The following THOP1 variants were observed in gnomAD, a reference collection of about 807,000 sequenced individuals.
THOP1 encodes the protein thimet oligopeptidase 1.
THOP1 carries 49 observed loss-of-function variants against 71.8 expected under a neutral mutation model. That is an observed-to-expected ratio of 0.68 (90% CI 0.54 to 0.87). The LOEUF (loss-of-function observed/expected upper bound fraction) is 0.87. Among genes scored for constraint, THOP1 ranks in the 40% least tolerant of loss-of-function variants. THOP1 has a pLI of 0.00. For synonymous variants in THOP1, 426 were observed against 421.5 expected (o/e 1.01, Z -0.13); for missense variants, 843 against 975.6 (o/e 0.86, Z 1.81).
intron 3 of THOP1, among the ~76,000 whole-genome samples, chr19:2,795,140 A>G (rs964716421): frequency 3.3e-5 from 5 of 152,172 alleles, no homozygotes; most frequent in African/African-American, 1.2e-4. Flanking sequence ...TTGTATTTTT[A>G]GTAGGCACAG....
At chr19:2,793,107 G>A (rs190658864) in intron 2 of THOP1, among the ~76,000 whole-genome samples, 7 of 150,984 alleles carry the variant, frequency 4.6e-5, no homozygotes, top group Non-Finnish European at 7.4e-5. Flanking sequence ...CCCGGGAGGC[G>A]GAGGTGGCGG....
At chr19:2,812,404 T>G in intron 12 of THOP1, 1 of 1,486,510 alleles carries the variant, frequency 6.7e-7, no homozygotes, top group Non-Finnish European at 8.9e-7. Context: ...GGCACTCAGC[T>G]GCTCCCTTTA....
chr19:2,804,904 G>GC lies in THOP1; in HGVS notation c.590-107dup. 9.1e-7 allele frequency: 1 copy of GC among 1,101,206 alleles called. No individual in the cohort carries two copies. 68.2% of individuals were successfully genotyped at this position (1,101,206 alleles called of 1,614,324 possible). ...GCCAGGCTGCAGCTGCTCGCTGAGG[G>GC]CCCCCTTGTAGCTTTCCAGGCAGAG... On this transcript the variant is annotated intron_variant, in intron 5 of 12. Transcript: ENST00000307741. This position sits in a 1 kb window ranked among gnomAD's most constrained non-coding sequence, Gnocchi z 4.7.
chr19:2,796,382 C>T (rs1157140745), intron 4 of THOP1, among the ~76,000 whole-genome samples, 194 bp downstream of exon 4: 1 of 141,958 alleles, frequency 7.0e-6, no homozygotes, highest in Non-Finnish European at 1.5e-5. Flanking sequence ...AGTGCTGCGT[C>T]CCGGGGAGTG....
intron 7 of THOP1, 112 bp from the exon 8 acceptor site, chr19:2,807,330 G>T: frequency 7.0e-7 from 1 of 1,433,446 alleles, no homozygotes; most frequent in South Asian, 1.5e-5. Flanking sequence ...GGGAACTGCG[G>T]GTCCTCCCTT....
intron 2 of THOP1, 86 bp downstream of exon 2, chr19:2,790,719 G>T (rs1037746671): frequency 1.6e-6 from 2 of 1,285,104 alleles, no homozygotes; most frequent in East Asian, 5.3e-5. Flanking sequence ...CCGTGGAGCC[G>T]GTTCAGAACC....
intron 12 of THOP1, chr19:2,812,350 A>G (rs778845091): frequency 4.9e-5 from 75 of 1,531,000 alleles, no homozygotes; most frequent in Non-Finnish European, 5.9e-5. Flanking sequence ...CCTGGGTGCA[A>G]CATTGCACTG....
At position 2,813,543 on chromosome 19, in the gene THOP1, C is replaced by T. The variant is rs528199782; in HGVS notation, c.*267C>T. The T allele has an allele frequency of 7.9e-5, 35 of 444,706 alleles. 1 individual carries two copies. In the South Asian group the frequency reaches 1.4e-3, roughly 18 times the overall value. 27.5% of individuals were successfully genotyped at this position (444,706 alleles called of 1,614,324 possible). ...CACGTCTCCTCTCTGGGAAACGTCC[C>T]TTGTCAGGAGACGGCTCTTCTTTGA... is the stretch of plus-strand genomic sequence containing the variant. On this transcript the variant is annotated 3_prime_UTR_variant, in exon 13 of 13. Coordinates refer to ENST00000307741, the MANE Select transcript of THOP1 (RefSeq NM_003249.5).
intron 11 of THOP1, among the ~76,000 whole-genome samples, 187 bp downstream of exon 11, chr19:2,810,955 G>A (rs755902424): frequency 2.0e-5 from 3 of 152,250 alleles, no homozygotes; most frequent in Non-Finnish European, 4.4e-5. Context: ...GCCCAGGGTC[G>A]GGGACGGGTG....
At chr19:2,794,604 G>A (rs968347051) in intron 2 of THOP1, among the ~76,000 whole-genome samples, 160 bp from the exon 3 acceptor site, 4 of 152,294 alleles carry the variant, frequency 2.6e-5, no homozygotes, top group Non-Finnish European at 4.4e-5. Flanking sequence ...TGGAGGGGAC[G>A]GTGGCGTGTG....
chr19:2,809,839 GGA>G (rs200676302), intron 9 of THOP1: 1,816 of 166,412 alleles, frequency 0.011, 12 homozygotes, highest in Non-Finnish European at 0.016. Flanking sequence ...AGGACCTTGA[GGA>G]TCACCCAGGA....
At position 2,807,623 on chromosome 19, in the gene THOP1, C is replaced by G. The variant is rs1349787060; in HGVS notation, c.1068C>G (p.Leu356=). 6.2e-7 allele frequency: 1 copy of G among 1,612,238 alleles called. No homozygotes were observed. The highest frequency in any genetic ancestry group is 8.5e-7 in the Non-Finnish European group (1 of 1,179,558). The change falls in exon 8 of 13, where the codon CTC becomes CTG. Residue 356 remains leucine, a synonymous_variant. Coordinates refer to ENST00000307741, the MANE Select transcript of THOP1 (RefSeq NM_003249.5). ...GCTACTGCGTGGACCAGAACCTGCT[C>G]AAGGAGTACTTCCCCGTGCAGGTGG... The part of the protein sequence containing the change: ...ETRYCVDQNL[L]KEYFPVQVVT...
chr19:2,788,072 A>G (rs1036896405), intron 1 of THOP1, among the ~76,000 whole-genome samples: 2 of 152,228 alleles, frequency 1.3e-5, no homozygotes, highest in Non-Finnish European at 2.9e-5. Flanking sequence ...CTTTTTGGAC[A>G]GGAGAGCATG....
rs181903259 is a variant in THOP1 at position 2,795,207 on chromosome 19, G to A, written c.378+295G>A. On this transcript the variant is annotated intron_variant, in intron 3 of 12. Transcript: ENST00000307741. The stretch of plus-strand genomic sequence containing the variant: ...ACTCCTGACCTCAGGTGATCCGCCC[G>A]CCTTGGCCTCCCAAAGTGCTGGGAT... 3.1e-4 allele frequency among the ~76,000 whole-genome samples: 47 copies of A among 152,188 alleles called. No homozygotes were observed. In the East Asian group the frequency reaches 7.9e-3, roughly 26 times the overall value.
chr19:2,785,512 C>T lies in THOP1; in HGVS notation c.-151C>T, dbSNP rs940059796. The T allele has an allele frequency of 6.1e-6, 5 of 821,080 alleles. No homozygotes were observed. Among genetic ancestry groups the T allele is most frequent in the South Asian group, 6.9e-5 (2 of 28,778 alleles). 50.9% of individuals were successfully genotyped at this position (821,080 alleles called of 1,614,324 possible). A position where few individuals can be genotyped will look rare whatever the true frequency, so the allele number is the denominator to read the frequency against. ...GTGCGCGCGCCGCCCCAGCATGCCC[C>T]GGGAGCGCGGGCGGCGGGCCCCTTG... On this transcript the variant is annotated 5_prime_UTR_variant, in exon 1 of 13. Transcript: ENST00000307741.
At position 2,801,505 on chromosome 19, in the gene THOP1, C is replaced by T. The variant is rs1916143693; in HGVS notation, c.589+1714C>T. ...TGCGGGTGGCTAGCGTGTTGGGTGA[C>T]AGTCTCCAGGGCTGTCCGCTGCTGC... On this transcript the variant is annotated intron_variant, in intron 5 of 12. Coordinates refer to ENST00000307741, the MANE Select transcript of THOP1 (RefSeq NM_003249.5). The surrounding 1 kb of genome is among the most constrained non-coding windows in gnomAD (Gnocchi z 5.1). Among the ~76,000 whole-genome samples the T allele has an allele frequency of 6.6e-6, 1 of 152,156 alleles. No homozygotes were observed. Among genetic ancestry groups the T allele is most frequent in the African/African-American group, 2.4e-5 (1 of 41,426 alleles).
chr19:2,789,464 T>G lies in THOP1; in HGVS notation c.17-957T>G, dbSNP rs887765548. ...CCCTGGTGTGAGTGGCCGGGCCACA[T>G]ATGACTCGCCCGTAGCACCTGTGGG... On this transcript the variant is annotated intron_variant, in intron 1 of 12. Coordinates refer to ENST00000307741, the MANE Select transcript of THOP1 (RefSeq NM_003249.5). 2.2e-4 allele frequency among the ~76,000 whole-genome samples: 33 copies of G among 152,324 alleles called. 1 individual carries two copies. Among genetic ancestry groups the G allele is most frequent in the Admixed American group, 2.1e-3 (32 of 15,296 alleles).
chr19:2,785,914 G>A (rs1039866339), intron 1 of THOP1, among the ~76,000 whole-genome samples: 2 of 152,182 alleles, frequency 1.3e-5, no homozygotes, highest in Non-Finnish European at 2.9e-5. Flanking sequence ...CGGATGGGTC[G>A]GGCCCCGTGG....
At chr19:2,796,882 T>G (rs1916029407) in intron 4 of THOP1, among the ~76,000 whole-genome samples, 1 of 152,186 alleles carries the variant, frequency 6.6e-6, no homozygotes, top group Non-Finnish European at 1.5e-5. Flanking sequence ...CTGCCCGGTG[T>G]GCCTGATGTG....
Sources: gnomAD v4.1 joint callset for allele counts (sites outside exome capture counted in the v4.1 genomes callset) on GRCh38, gnomAD v4.1.1 for gene constraint, Gnocchi (gnomAD v3.1) non-coding constraint, MANE v1.5 for transcripts, NCBI Gene and HGNC (gene_info 2026-07-23, HGNC 2026-07-21) for gene names.